Variants in CUX2 observed in about 807,000 individuals in gnomAD.
CUX2 encodes the protein homeobox protein cut-like 2.
Under a neutral mutation model 144.8 loss-of-function variants are expected in CUX2, and 40 were observed. The observed-to-expected ratio is 0.28, with a 90% confidence interval of 0.21 to 0.36. The LOEUF is 0.36. Ranked by LOEUF, CUX2 falls within the 10% of genes least tolerant of loss-of-function variation. CUX2 has a pLI of 1.00. For synonymous variants in CUX2, 827 were observed against 875.6 expected (o/e 0.94, Z 0.98); for missense variants, 1,615 against 1,994.0 (o/e 0.81, Z 3.62).
At chr12:111,214,122 G>C in intron 1 of CUX2, 78 bp from the exon 2 acceptor site, 1 of 854,016 alleles carries the variant, frequency 1.2e-6, no homozygotes. Context: ...GTTTTGTACA[G>C]TGGTTAAAAA....
chr12:111,095,811 A>C (rs1182981789), intron 1 of CUX2, among the ~76,000 whole-genome samples: 1 of 152,200 alleles, frequency 6.6e-6, no homozygotes, highest in Non-Finnish European at 1.5e-5. Context: ...CACAGCCTCC[A>C]TTTTGTCTGC....
chr12:111,220,742 GCAAAAAAAAAAAAAAAAAAA>G (rs1881804192), intron 3 of CUX2, among the ~76,000 whole-genome samples: 1 of 38,664 alleles, frequency 2.6e-5, no homozygotes, highest in African/African-American at 1.3e-4. Flanking sequence ...CCTCATCTCT[GCAAAAAAAAAAAAAAAAAAA>G]AAAAAAAAAA....
intron 1 of CUX2, among the ~76,000 whole-genome samples, chr12:111,130,536 A>G (rs1000883166): frequency 2.0e-5 from 3 of 152,220 alleles, no homozygotes; most frequent in African/African-American, 7.2e-5. Context: ...CTCAGTTCCC[A>G]TGGTAAGGAT....
At chr12:111,074,769 G>A (rs1041724522) in intron 1 of CUX2, among the ~76,000 whole-genome samples, 1 of 152,004 alleles carries the variant, frequency 6.6e-6, no homozygotes, top group Non-Finnish European at 1.5e-5. Context: ...AGCAGACGGC[G>A]GCAGGGCCCA....
chr12:111,242,411 C>T (rs548371817), intron 3 of CUX2, among the ~76,000 whole-genome samples: 27 of 152,328 alleles, frequency 1.8e-4, no homozygotes, highest in Admixed American at 6.5e-4. Context: ...TGCTTTCCCA[C>T]GACAAGGGCA....
At position 111,350,501 on chromosome 12, in the gene CUX2, A is replaced by T. The variant is rs536169649; in HGVS notation, c.*2176A>T. Reference sequence around the variant, plus strand: ...ATTGATGAACTTTGTTTAAAATTTTAAAAAAAGGAACACGTTCTGTAAACG... The same window carrying T: ...ATTGATGAACTTTGTTTAAAATTTTTAAAAAAGGAACACGTTCTGTAAACG... On this transcript the variant is annotated 3_prime_UTR_variant, in exon 22 of 22. Coordinates refer to ENST00000261726, the MANE Select transcript of CUX2 (RefSeq NM_015267.4). 2 of 152,564 alleles carry T rather than the reference A, an allele frequency of 1.3e-5. No homozygotes were observed. The highest frequency in any genetic ancestry group is 4.1e-4 in the South Asian group (2 of 4,820). 9.5% of individuals were successfully genotyped at this position (152,564 alleles called of 1,614,324 possible). A position where few individuals can be genotyped will look rare whatever the true frequency, so the allele number is the denominator to read the frequency against.
intron 21 of CUX2, among the ~76,000 whole-genome samples, chr12:111,345,622 G>GT (rs1309314172): frequency 1.3e-5 from 2 of 151,340 alleles, no homozygotes; most frequent in African/African-American, 4.9e-5. Flanking sequence ...GGCGCCTGTA[G>GT]TCCCAGCTAC....
chr12:111,300,948 C>T (rs769837156), intron 9 of CUX2, among the ~76,000 whole-genome samples: 13 of 150,070 alleles, frequency 8.7e-5, no homozygotes, highest in Non-Finnish European at 1.5e-4. Flanking sequence ...TGAGGTGGGA[C>T]GATCACCTGA....
At chr12:111,249,314 A>G (rs1303020052) in intron 3 of CUX2, among the ~76,000 whole-genome samples, 1 of 151,598 alleles carries the variant, frequency 6.6e-6, no homozygotes, top group Non-Finnish European at 1.5e-5. Flanking sequence ...GAAATGAGGA[A>G]GAGAAGGATA....
chr12:111,193,580 C>T (rs1038478040), intron 1 of CUX2, among the ~76,000 whole-genome samples: 1 of 152,182 alleles, frequency 6.6e-6, no homozygotes, highest in Non-Finnish European at 1.5e-5. Context: ...ATTGTAACGC[C>T]GGCCGCACAT....
chr12:111,330,211 C>T (rs757803794), intron 18 of CUX2, among the ~76,000 whole-genome samples: 1 of 152,142 alleles, frequency 6.6e-6, no homozygotes, highest in Non-Finnish European at 1.5e-5. Context: ...ACTTCGAACT[C>T]GGGGGCTTCA....
chr12:111,329,767 C>G (rs1888008102), intron 18 of CUX2, among the ~76,000 whole-genome samples: 1 of 152,200 alleles, frequency 6.6e-6, no homozygotes, highest in Admixed American at 6.5e-5. Flanking sequence ...TCCAGAGTAG[C>G]TGGGGCTACA....
chr12:111,234,994 C>T (rs959572195), intron 3 of CUX2, among the ~76,000 whole-genome samples: 4 of 152,212 alleles, frequency 2.6e-5, no homozygotes, highest in African/African-American at 9.6e-5. Flanking sequence ...GCTGGAATTA[C>T]AGGCATGAGC....
chr12:111,165,916 T>C (rs1014450830), intron 1 of CUX2, among the ~76,000 whole-genome samples: 49 of 152,334 alleles, frequency 3.2e-4, no homozygotes, highest in African/African-American at 1.2e-3. Flanking sequence ...TGTTTGGTGG[T>C]GGTGATTACT....
At chr12:111,247,442 G>A (rs1883332109) in intron 3 of CUX2, among the ~76,000 whole-genome samples, 2 of 152,234 alleles carry the variant, frequency 1.3e-5, no homozygotes, top group East Asian at 3.8e-4. Context: ...CTTCTGAGCT[G>A]GTATTTCGGA....
At chr12:111,201,635 G>A (rs894285580) in intron 1 of CUX2, among the ~76,000 whole-genome samples, 1 of 152,168 alleles carries the variant, frequency 6.6e-6, no homozygotes, top group African/African-American at 2.4e-5. Flanking sequence ...CCAGCATACA[G>A]TGGGCGCTTA....
chr12:111,143,791 A>G (rs1472388905), intron 1 of CUX2, among the ~76,000 whole-genome samples: 3 of 152,232 alleles, frequency 2.0e-5, no homozygotes, highest in Non-Finnish European at 2.9e-5. Flanking sequence ...GGCATGGGCC[A>G]TCTGGGGTGT....
chr12:111,155,272 C>T lies in CUX2; in HGVS notation c.64-58928C>T, dbSNP rs556391231. ...TGTCAAATGGGTACAAAAAGGGTCT[C>T]TAGTTCATACAGTAGTCTTGAGGGT... On this transcript the variant is annotated intron_variant, in intron 1 of 21. Transcript: ENST00000261726. Among the ~76,000 whole-genome samples, 5 of 152,172 alleles carry T rather than the reference C, an allele frequency of 3.3e-5. No individual in the cohort carries two copies. In the East Asian group the frequency reaches 5.8e-4, roughly 18 times the overall value.
At chr12:111,121,338 T>C (rs1001827655) in intron 1 of CUX2, among the ~76,000 whole-genome samples, 37 of 151,228 alleles carry the variant, frequency 2.4e-4, no homozygotes, top group Non-Finnish European at 4.6e-4. Flanking sequence ...TAAATGTGTT[T>C]TTTCTTTCTT....
Sources: gnomAD v4.1 joint callset for allele counts (sites outside exome capture counted in the v4.1 genomes callset) on GRCh38, gnomAD v4.1.1 for gene constraint, MANE v1.5 for transcripts, NCBI Gene and HGNC (gene_info 2026-07-23, HGNC 2026-07-21) for gene names.